The following FRMPD4 variants were observed in gnomAD, a reference collection of about 807,000 sequenced individuals.
FRMPD4 encodes FERM and PDZ domain-containing protein 4.
FRMPD4 carries 22 observed loss-of-function variants against 94.1 expected under a neutral mutation model. The ratio of observed to expected loss-of-function variants is 0.23; its 90% CI spans 0.17 to 0.33. The LOEUF (loss-of-function observed/expected upper bound fraction) is 0.33. FRMPD4 is among the 10% of genes least tolerant of loss of function. The pLI is 1.00. For missense variants in FRMPD4, 1,111 were observed against 1,339.9 expected, an observed-to-expected ratio of 0.83 and a Z score of 2.67; for synonymous variants, 631 against 548.6, an observed-to-expected ratio of 1.15 and a Z score of -2.10.
intron 1 of FRMPD4, among the ~76,000 whole-genome samples, chrX:12,368,213 C>T (rs1298044218): frequency 8.9e-6 from 1 of 111,949 alleles, no homozygotes; most frequent in Non-Finnish European, 1.9e-5. Context: ...CTTCCCACAA[C>T]ACTCAGAGGC....
chrX:12,227,337 T>C (rs1169029645), intron 1 of FRMPD4, among the ~76,000 whole-genome samples: 1 of 111,644 alleles, frequency 9.0e-6, no homozygotes, highest in Non-Finnish European at 1.9e-5. Flanking sequence ...TGTGCAGACC[T>C]GAGAGGGATA....
At chrX:11,891,810 A>G (rs951136561) in intron 3 of FRMPD4, among the ~76,000 whole-genome samples, 1 of 112,433 alleles carries the variant, frequency 8.9e-6, no homozygotes, top group Admixed American at 9.4e-5. Context: ...CATTTAATAC[A>G]TATTTGATAA....
intron 3 of FRMPD4, among the ~76,000 whole-genome samples, chrX:12,023,642 G>A (rs1433763562): frequency 8.9e-6 from 1 of 111,982 alleles, no homozygotes; most frequent in African/African-American, 3.3e-5. Flanking sequence ...TCACTTGAAA[G>A]GCAATGGTTG....
chrX:12,575,704 T>G (rs1438484), intron 2 of FRMPD4, among the ~76,000 whole-genome samples: 25,760 of 111,060 alleles, frequency 0.23, 2,501 homozygotes, highest in African/African-American at 0.38. Flanking sequence ...ACAGATTCAG[T>G]GTAATCACAA....
At chrX:11,974,242 G>A (rs1423108085) in intron 3 of FRMPD4, among the ~76,000 whole-genome samples, 1 of 111,089 alleles carries the variant, frequency 9.0e-6, no homozygotes, top group Non-Finnish European at 1.9e-5. Flanking sequence ...TCTCTCCCAT[G>A]AGGGAGAGCT....
At chrX:12,681,699 ACACACACACACACACACACGCACG>A (rs1569408153) in intron 5 of FRMPD4, among the ~76,000 whole-genome samples, 1 of 103,777 alleles carries the variant, frequency 9.6e-6, no homozygotes, top group Non-Finnish European at 1.9e-5. Context: ...TCCAGGATAC[ACACACACACACACACACACGCACG>A]CACACACACG....
At chrX:12,188,918 AAAAT>A (rs778541378) in intron 1 of FRMPD4, among the ~76,000 whole-genome samples, 2 of 112,240 alleles carry the variant, frequency 1.8e-5, no homozygotes, top group African/African-American at 6.4e-5. Flanking sequence ...TAAACAAAAG[AAAAT>A]AAATAATTAC....
At chrX:12,387,977 T>TAA (rs57694212) in intron 1 of FRMPD4, among the ~76,000 whole-genome samples, 24,993 of 93,373 alleles carry the variant, frequency 0.27, 2,979 homozygotes, top group Non-Finnish European at 0.32. Context: ...GAATCAATCT[T>TAA]AAAAAAAAAA....
At chrX:11,953,120 C>T (rs936130511) in intron 3 of FRMPD4, among the ~76,000 whole-genome samples, 7 of 111,822 alleles carry the variant, frequency 6.3e-5, no homozygotes, top group South Asian at 3.8e-4. Context: ...GCCATAAATA[C>T]TCACACATTG....
rs1193350892 is a variant in FRMPD4 at position 12,621,978 on chromosome X, GAA to G, written c.422+7099_422+7100del. Among the ~76,000 whole-genome samples, 141 of 27,924 alleles carry G rather than the reference GAA, an allele frequency of 5.0e-3. 1 individual carries two copies. The highest frequency in any genetic ancestry group is 0.023 in the African/African-American group (119 of 5,170). The allele number at this position is 27,924 out of a possible 115,157, so 24.2% of individuals were successfully genotyped here. On this transcript the variant is annotated intron_variant, in intron 4 of 16. Transcript: ENST00000675598. ...AGAGAAAGAAAGAAAGAGAAAGAAA[GAA>G]AGAAAGAAAGAAAGAAAGAAAGAAA...
At chrX:12,423,471 C>G (rs1399606002) in intron 1 of FRMPD4, among the ~76,000 whole-genome samples, 2 of 111,395 alleles carry the variant, frequency 1.8e-5, no homozygotes, top group African/African-American at 6.5e-5. Flanking sequence ...ATGCTTTTGG[C>G]TGCCACTGTG....
chrX:12,623,242 GGAAAGAAGGAAA>G (rs1406563025), intron 4 of FRMPD4, among the ~76,000 whole-genome samples: 2 of 14,532 alleles, frequency 1.4e-4, no homozygotes, highest in Admixed American at 2.1e-3. Context: ...AAGGAAGGAA[GGAAAGAAGGAAA>G]GAAAGAAGGA....
chrX:11,926,258 C>CAAAA (rs763084115), intron 3 of FRMPD4, among the ~76,000 whole-genome samples: 9 of 30,617 alleles, frequency 2.9e-4, no homozygotes, highest in African/African-American at 6.2e-4. Context: ...GCTTACCAAC[C>CAAAA]AAAAAAAAAA....
At chrX:11,921,006 G>A (rs1362934893) in intron 3 of FRMPD4, among the ~76,000 whole-genome samples, 1 of 112,269 alleles carries the variant, frequency 8.9e-6, no homozygotes, top group Non-Finnish European at 1.9e-5. Flanking sequence ...GTGCTGTAAT[G>A]TGGTAAATGG....
chrX:12,287,671 T>C (rs1041673493), intron 1 of FRMPD4, among the ~76,000 whole-genome samples: 14 of 111,915 alleles, frequency 1.3e-4, no homozygotes, highest in African/African-American at 4.2e-4. Context: ...GTCAAGTTAT[T>C]GTAGTCATCT....
At chrX:12,677,767 A>G (rs1297773771) in intron 5 of FRMPD4, among the ~76,000 whole-genome samples, 1 of 112,068 alleles carries the variant, frequency 8.9e-6, no homozygotes, top group African/African-American at 3.2e-5. Context: ...ACATGACCCA[A>G]CTGCAGAAAT....
intron 8 of FRMPD4, among the ~76,000 whole-genome samples, 174 bp downstream of exon 8, chrX:12,690,500 C>T (rs913564499): frequency 8.9e-6 from 1 of 111,884 alleles, no homozygotes; most frequent in African/African-American, 3.3e-5. Context: ...GTCATGTTTC[C>T]CTTTCTGCCC....
At chrX:12,108,208 G>T (rs2055318128) in intron 3 of FRMPD4, among the ~76,000 whole-genome samples, 1 of 112,067 alleles carries the variant, frequency 8.9e-6, no homozygotes, top group Non-Finnish European at 1.9e-5. Context: ...AAGCCCATCA[G>T]ACTAACAGCT....
At chrX:12,172,176 T>C (rs1376204558) in intron 1 of FRMPD4, among the ~76,000 whole-genome samples, 1 of 110,101 alleles carries the variant, frequency 9.1e-6, no homozygotes, top group Admixed American at 9.7e-5. Context: ...TATTTTGCTG[T>C]TGTTGTTGTT....
Sources: allele counts gnomAD v4.1 joint callset (sites outside exome capture counted in the v4.1 genomes callset), GRCh38; gene constraint gnomAD v4.1.1; transcripts MANE v1.5; gene names NCBI Gene and HGNC (gene_info 2026-07-23, HGNC 2026-07-21).